Variants in COQ7 observed in about 807,000 individuals in gnomAD.
The protein encoded by COQ7 is coenzyme Q7, hydroxylase.
Under a neutral mutation model 25.0 loss-of-function variants are expected in COQ7, and 21 were observed. The observed-to-expected ratio is 0.84, with a 90% CI of 0.60 to 1.21. The LOEUF is 1.21. Ranked by LOEUF, COQ7 falls within the 50% of genes most tolerant of loss-of-function variation. The pLI is 0.00. For synonymous variants in COQ7, 125 were observed against 112.4 expected, an observed-to-expected ratio of 1.11 and a Z score of -0.71; for missense variants, 311 against 296.2, an observed-to-expected ratio of 1.05 and a Z score of -0.37.
At chr16:19,082,734 TCCAG>T (rs1030117547), downstream of COQ7, among the ~76,000 whole-genome samples, 10 of 151,678 alleles carry the variant, frequency 6.6e-5, no homozygotes, top group Admixed American at 3.3e-4. Flanking sequence ...ACCACTGCAT[TCCAG>T]CCTGGGCAAC....
intron 2 of COQ7, 111 bp downstream of exon 2, chr16:19,072,217 T>A: frequency 7.5e-7 from 1 of 1,338,670 alleles, no homozygotes; most frequent in Admixed American, 2.2e-5. Flanking sequence ...TGCCATTGTC[T>A]CCAGGAGAGC....
chr16:19,082,736 C>T (rs1963117143), downstream of COQ7, among the ~76,000 whole-genome samples: 1 of 151,248 alleles, frequency 6.6e-6, no homozygotes, highest in African/African-American at 2.4e-5. Flanking sequence ...CACTGCATTC[C>T]AGCCTGGGCA....
rs1379776329 is a variant in COQ7, at chr16:19,067,686, G to T, written c.22G>T (p.Ala8Ser). 2 of 1,610,332 alleles carry T rather than the reference G, an allele frequency of 1.2e-6. No individual in the cohort carries two copies. The change falls in exon 1 of 6, where the codon GCG becomes TCG. Residue 8 changes from alanine (A) to serine (S), a missense_variant. Physicochemically the swap from Ala to Ser is moderately conservative, Grantham distance 99 (BLOSUM62 1). Coordinates refer to ENST00000321998, the MANE Select transcript of COQ7 (RefSeq NM_016138.5). ...GGCAATGAGTTGCGCCGGGGCGGCG[G>T]CGGCTCCCCGCCTTTGGCGGCTGCG... is the stretch of plus-strand genomic sequence containing the variant. MSCAGAA[A>S]APRLWRLRPG...
chr16:19,077,386 C>G lies in COQ7; in HGVS notation c.576+12C>G, dbSNP rs375442724. Reference sequence around the variant, plus strand: ...ATGATGCAGAATTGGTAGGGCCCTACTGTTACCTGTTCTGCTTTGGGACTC... The same window carrying G: ...ATGATGCAGAATTGGTAGGGCCCTAGTGTTACCTGTTCTGCTTTGGGACTC... On this transcript the variant is annotated intron_variant, in intron 5 of 5. Coordinates refer to ENST00000321998, the MANE Select transcript of COQ7 (RefSeq NM_016138.5). 244 of 1,612,222 alleles carry G rather than the reference C, an allele frequency of 1.5e-4. No individual in the cohort carries two copies. Among genetic ancestry groups the G allele is most frequent in the Non-Finnish European group, 2.0e-4 (232 of 1,178,528 alleles).
At chr16:19,076,585 CTTTTTTTTTT>C (rs67725348) in intron 4 of COQ7, among the ~76,000 whole-genome samples, 4 of 80,510 alleles carry the variant, frequency 5.0e-5, no homozygotes, top group Admixed American at 3.1e-4. Flanking sequence ...GTGCTGTTCA[CTTTTTTTTTT>C]TTTTTTTTTT....
At position 19,067,684 on chromosome 16, in the gene COQ7, C is replaced by T. The variant is rs751620448; in HGVS notation, c.20C>T (p.Ala7Val). Reference protein sequence around the residue: MSCAGAAAAPRLWRLRP... With the variant: MSCAGAVAAPRLWRLRP... Reference sequence around the variant, plus strand: ...CCGGCAATGAGTTGCGCCGGGGCGGCGGCGGCTCCCCGCCTTTGGCGGCTG... The same window carrying T: ...CCGGCAATGAGTTGCGCCGGGGCGGTGGCGGCTCCCCGCCTTTGGCGGCTG... The change falls in exon 1 of 6, where the codon GCG becomes GTG. Residue 7 changes from alanine (A) to valine (V), a missense_variant. Ala to Val is a moderately conservative substitution (Grantham distance 64, BLOSUM62 0). Transcript: ENST00000321998. 124 of 1,610,862 alleles carry T rather than the reference C, an allele frequency of 7.7e-5. No individual in the cohort carries two copies. The Admixed American group carries it at 8.7e-4, about 11-fold the overall frequency.
chr16:19,073,823 C>T (rs1387665972), intron 2 of COQ7, 98 bp from the exon 3 acceptor site: 1 of 796,814 alleles, frequency 1.3e-6, no homozygotes, highest in African/African-American at 1.7e-5. Context: ...GCAGTTCCAT[C>T]ATTTTCTCCG....
Position 19,077,392 on chromosome 16 carries a change from C to A in COQ7, c.576+18C>A, listed in dbSNP as rs1454500770. The A allele has an allele frequency of 1.2e-6, 2 of 1,610,862 alleles. No individual in the cohort carries two copies. The highest frequency in any genetic ancestry group is 1.3e-5 in the African/African-American group (1 of 74,946). On this transcript the variant is annotated intron_variant, in intron 5 of 5. Coordinates refer to ENST00000321998, the MANE Select transcript of COQ7 (RefSeq NM_016138.5). The stretch of plus-strand genomic sequence containing the variant: ...CAGAATTGGTAGGGCCCTACTGTTA[C>A]CTGTTCTGCTTTGGGACTCCTTATT...
chr16:19,068,870 C>A, intron 1 of COQ7: 1 of 441,684 alleles, frequency 2.3e-6, no homozygotes, highest in Non-Finnish European at 4.5e-6. Context: ...TGCCACTTGC[C>A]ACAAATGGGT....
At chr16:19,068,905 CAAATT>C (rs753083706) in intron 1 of COQ7, 42 of 443,242 alleles carry the variant, frequency 9.5e-5, no homozygotes, top group African/African-American at 7.5e-4. Context: ...AAAAAACAAA[CAAATT>C]AAAAAGTTAT....
rs762101207 is a variant in COQ7, at chr16:19,067,634, A to G, written c.-31A>G. 6.2e-7 allele frequency: 1 copy of G among 1,613,542 alleles called. No individual in the cohort carries two copies. Among genetic ancestry groups the G allele is most frequent in the Non-Finnish European group, 8.5e-7 (1 of 1,179,646 alleles). On this transcript the variant is annotated 5_prime_UTR_variant, in exon 1 of 6. Transcript: ENST00000321998. ...AGGGCACTATTGGCCAGTTCCGTTC[A>G]ACGAAGTGGTTGCTTTTTTTAGTTC...
intron 1 of COQ7, among the ~76,000 whole-genome samples, chr16:19,070,214 C>T (rs1348097576): frequency 2.6e-5 from 4 of 152,298 alleles, no homozygotes; most frequent in African/African-American, 7.2e-5. Flanking sequence ...CATTTACAAC[C>T]CCATCTGGTA....
In COQ7 at chr16:19,067,696, G is replaced by C. The variant is rs758022374; in HGVS notation, c.32G>C (p.Arg11Pro). Reference sequence around the variant, plus strand: ...TGCGCCGGGGCGGCGGCGGCTCCCCGCCTTTGGCGGCTGCGCCCGGGGGCC... The same window carrying C: ...TGCGCCGGGGCGGCGGCGGCTCCCCCCCTTTGGCGGCTGCGCCCGGGGGCC... MSCAGAAAAP[R>P]LWRLRPGARR... Residue 11 changes from arginine to proline, a missense_variant, in exon 1 of 6, where the codon CGC (arginine) becomes CCC (proline). Coordinates refer to ENST00000321998, the MANE Select transcript of COQ7 (RefSeq NM_016138.5). 2 of 1,608,286 alleles carry C rather than the reference G, an allele frequency of 1.2e-6. No individual in the cohort carries two copies. The highest frequency in any genetic ancestry group is 1.7e-6 in the Non-Finnish European group (2 of 1,178,066).
At chr16:19,068,971 G>T (rs1962404690) in intron 1 of COQ7, 2 of 416,682 alleles carry the variant, frequency 4.8e-6, no homozygotes, top group African/African-American at 4.1e-5. Flanking sequence ...ATTAGCAAGT[G>T]TTGGGAAAGT....
Position 19,075,712 on chromosome 16 carries a change from C to G in COQ7, c.368-9C>G, listed in dbSNP as rs371015215. 2 of 1,556,474 alleles carry G rather than the reference C, an allele frequency of 1.3e-6. No individual in the cohort carries two copies. Among genetic ancestry groups the G allele is most frequent in the African/African-American group, 1.4e-5 (1 of 72,760 alleles). The stretch of plus-strand genomic sequence containing the variant: ...TCTTACTTTTCTGGTCTGGGTTTAA[C>G]AATCCCAGGGGCGGGGACCGCCTTG... On this transcript the variant is annotated splice_polypyrimidine_tract_variant and intron_variant, in intron 3 of 5. Coordinates refer to ENST00000321998, the MANE Select transcript of COQ7 (RefSeq NM_016138.5).
intron 4 of COQ7, 47 bp from the exon 5 acceptor site, chr16:19,077,258 AG>A (rs754750256): frequency 6.6e-6 from 10 of 1,517,710 alleles, no homozygotes; most frequent in Admixed American, 3.3e-5. Flanking sequence ...ATGGAACAGC[AG>A]GAGAGTTGGA....
intron 1 of COQ7, chr16:19,068,444 G>A: frequency 4.1e-6 from 4 of 971,352 alleles, no homozygotes; most frequent in Non-Finnish European, 4.9e-6. Context: ...CTGAGGTCAG[G>A]AGTTTGAGAC....
At chr16:19,076,562 G>A (rs958686725) in intron 4 of COQ7, among the ~76,000 whole-genome samples, 85 of 146,466 alleles carry the variant, frequency 5.8e-4, no homozygotes, top group African/African-American at 1.6e-3. Flanking sequence ...ACAGGTGTGA[G>A]CCACACCACC....
chr16:19,069,251 T>C (rs1007736721), intron 1 of COQ7, among the ~76,000 whole-genome samples: 4 of 152,200 alleles, frequency 2.6e-5, no homozygotes, highest in African/African-American at 9.6e-5. Flanking sequence ...ATGTGAATTT[T>C]AATGCTGCTC....
Sources: gnomAD v4.1 joint callset for allele counts (sites outside exome capture counted in the v4.1 genomes callset) on GRCh38, gnomAD v4.1.1 for gene constraint, MANE v1.5 for transcripts, NCBI Gene and HGNC (gene_info 2026-07-23, HGNC 2026-07-21) for gene names.